ZBTB16: variants seen among roughly 807,000 people sequenced by gnomAD.
ZBTB16 encodes zinc finger and BTB domain-containing protein 16.
A neutral mutation model predicts 56.8 loss-of-function variants in ZBTB16; 8 were observed. The observed-to-expected ratio is 0.14, with a 90% CI of 0.08 to 0.25. The LOEUF is 0.25. Ranked by LOEUF, ZBTB16 falls within the 10% of genes least tolerant of loss-of-function variation. ZBTB16 has a pLI of 1.00. For missense variants in ZBTB16, 625 were observed against 903.0 expected (o/e 0.69, Z 3.95); for synonymous variants, 363 against 368.5 (o/e 0.98, Z 0.17).
chr11:114,065,517 G>A (rs11214859), intron 2 of ZBTB16, among the ~76,000 whole-genome samples: 5,900 of 152,168 alleles, frequency 0.039, 335 homozygotes, highest in African/African-American at 0.13. Context: ...CCCGGGTTAA[G>A]GTGATTCTCC....
chr11:114,228,470 G>A (rs780628721), intron 4 of ZBTB16, among the ~76,000 whole-genome samples: 6 of 152,172 alleles, frequency 3.9e-5, no homozygotes, highest in Non-Finnish European at 2.9e-5. Flanking sequence ...AAATAAAGAT[G>A]TCACTTTTTT....
chr11:114,235,624 C>CCCTTCCTTCCTTCCTT (rs757566912), intron 4 of ZBTB16, among the ~76,000 whole-genome samples: 17 of 125,242 alleles, frequency 1.4e-4, no homozygotes, highest in African/African-American at 5.1e-4. Flanking sequence ...CTTTCCCTCT[C>CCCTTCCTTCCTTCCTT]CCTTCCTTTC....
intron 2 of ZBTB16, among the ~76,000 whole-genome samples, chr11:114,070,746 A>G (rs1205115111): frequency 1.3e-5 from 2 of 152,180 alleles, no homozygotes; most frequent in Non-Finnish European, 2.9e-5. Context: ...CGTCAATCCT[A>G]AAGGTCAGGT....
At chr11:114,208,745 A>C (rs1334658957) in intron 4 of ZBTB16, among the ~76,000 whole-genome samples, 1 of 152,212 alleles carries the variant, frequency 6.6e-6, no homozygotes, top group East Asian at 1.9e-4. Flanking sequence ...AATGCTGTAC[A>C]AGAGCAAGTT....
At chr11:114,184,148 T>C (rs1943313750) in intron 3 of ZBTB16, among the ~76,000 whole-genome samples, 1 of 152,226 alleles carries the variant, frequency 6.6e-6, no homozygotes, top group Admixed American at 6.5e-5. Context: ...TCGACTCACA[T>C]TTATTGAGCA....
chr11:114,222,326 C>T (rs182509559), intron 4 of ZBTB16, among the ~76,000 whole-genome samples: 2 of 152,256 alleles, frequency 1.3e-5, no homozygotes, highest in East Asian at 1.9e-4. Context: ...TCACAGCTCC[C>T]CCAACCCCCA....
At chr11:114,146,613 G>A (rs1002183358) in intron 2 of ZBTB16, among the ~76,000 whole-genome samples, 5 of 152,062 alleles carry the variant, frequency 3.3e-5, no homozygotes, top group Non-Finnish European at 5.9e-5. Flanking sequence ...TTGGGAGGCC[G>A]AGGCGGGTGG....
At chr11:114,147,866 C>T (rs762154896) in intron 2 of ZBTB16, among the ~76,000 whole-genome samples, 4 of 152,188 alleles carry the variant, frequency 2.6e-5, no homozygotes, top group Non-Finnish European at 4.4e-5. Context: ...CCAGGAACTT[C>T]ACAGATAAGC....
intron 4 of ZBTB16, among the ~76,000 whole-genome samples, chr11:114,199,315 C>T (rs993733946): frequency 2.8e-5 from 4 of 143,236 alleles, no homozygotes; most frequent in Non-Finnish European, 6.0e-5. Context: ...CGCTGGGCCC[C>T]GGGATGGGGA....
chr11:114,130,275 A>G (rs1202015253), intron 2 of ZBTB16, among the ~76,000 whole-genome samples: 1 of 152,164 alleles, frequency 6.6e-6, no homozygotes, highest in Non-Finnish European at 1.5e-5. Context: ...GGACTCCGCC[A>G]GCTGCATTGT....
At chr11:114,118,687 A>G (rs2137798137) in intron 2 of ZBTB16, among the ~76,000 whole-genome samples, 1 of 152,246 alleles carries the variant, frequency 6.6e-6, no homozygotes, top group East Asian at 1.9e-4. Flanking sequence ...AGATGAAGTG[A>G]CTGGAACCAG....
chr11:114,097,929 G>T (rs1343356304), intron 2 of ZBTB16, among the ~76,000 whole-genome samples: 4 of 152,138 alleles, frequency 2.6e-5, no homozygotes, highest in African/African-American at 9.7e-5. Flanking sequence ...AACTGCATTT[G>T]CAAAATGTCT....
chr11:114,107,777 A>G (rs238920), intron 2 of ZBTB16, among the ~76,000 whole-genome samples: 18,354 of 152,156 alleles, frequency 0.12, 3,222 homozygotes, highest in African/African-American at 0.39. Context: ...TTTCAAAGAG[A>G]AACAAAGCTG....
rs1338987366 is a variant in ZBTB16, at chr11:114,250,298, T to G, written c.1793-28T>G. On this transcript the variant is annotated intron_variant, in intron 6 of 6. Transcript: ENST00000335953. The surrounding 1 kb of genome is among the most constrained non-coding windows in gnomAD (Gnocchi z 6.0). ...TCACCGCCTTCTGTCTGTCCTCACTTTCTCCTGCCCTGTCCCTCCGCCCTC... is the reference window on the plus strand; with the variant it reads ...TCACCGCCTTCTGTCTGTCCTCACTGTCTCCTGCCCTGTCCCTCCGCCCTC... The G allele has an allele frequency of 2.5e-6, 4 of 1,605,576 alleles. No individual in the cohort carries two copies. Among genetic ancestry groups the G allele is most frequent in the Non-Finnish European group, 3.4e-6 (4 of 1,179,416 alleles).
intron 2 of ZBTB16, among the ~76,000 whole-genome samples, chr11:114,136,243 G>T: frequency 6.6e-6 from 1 of 152,188 alleles, no homozygotes; most frequent in East Asian, 1.9e-4. Flanking sequence ...TTAAAAATGA[G>T]CCTTCAAGTA....
At chr11:114,093,401 C>T (rs1276962968) in intron 2 of ZBTB16, among the ~76,000 whole-genome samples, 6 of 152,082 alleles carry the variant, frequency 3.9e-5, no homozygotes, top group Admixed American at 1.3e-4. Flanking sequence ...GCCTTTTGTT[C>T]CCCGATTCCC....
At chr11:114,209,444 T>G in intron 4 of ZBTB16, 1 of 985,346 alleles carries the variant, frequency 1.0e-6, no homozygotes, top group Non-Finnish European at 1.2e-6. Context: ...GGTGCCTGGA[T>G]TCAGAGCCTT....
chr11:114,129,484 C>T (rs1243693416), intron 2 of ZBTB16, among the ~76,000 whole-genome samples: 5 of 152,216 alleles, frequency 3.3e-5, no homozygotes, highest in East Asian at 3.9e-4. Flanking sequence ...TCCTGCCTTA[C>T]GCAGGCTCCC....
chr11:114,129,147 C>G (rs1941596451), intron 2 of ZBTB16, among the ~76,000 whole-genome samples: 1 of 152,206 alleles, frequency 6.6e-6, no homozygotes, highest in African/African-American at 2.4e-5. Flanking sequence ...ACTTTTCTCT[C>G]CTTTGCTTCA....
Sources: gnomAD v4.1 joint callset for allele counts (sites outside exome capture counted in the v4.1 genomes callset) on GRCh38, gnomAD v4.1.1 for gene constraint, Gnocchi (gnomAD v3.1) non-coding constraint, MANE v1.5 for transcripts, NCBI Gene and HGNC (gene_info 2026-07-23, HGNC 2026-07-21) for gene names.